The following ZSCAN5A variants were observed in gnomAD, a reference collection of about 807,000 sequenced individuals.
ZSCAN5A encodes the protein zinc finger and SCAN domain containing 5A.
In ZSCAN5A, 12 loss-of-function variants were observed where a neutral mutation model predicts 23.7. That is an observed-to-expected ratio of 0.51 (90% CI 0.32 to 0.82). The LOEUF is 0.82. Ranked by LOEUF, ZSCAN5A falls within the 40% of genes least tolerant of loss-of-function variation. The probability of loss-of-function intolerance (pLI) is 0.03; values close to 1 mark genes in which losing one functional copy is unlikely to be tolerated. For synonymous variants in ZSCAN5A, 257 were observed against 239.9 expected (o/e 1.07, Z -0.66); for missense variants, 597 against 617.9 (o/e 0.97, Z 0.36).
At chr19:56,228,419 C>T (rs2034171550) in intron 2 of ZSCAN5A, 2 of 985,400 alleles carry the variant, frequency 2.0e-6, no homozygotes, top group Non-Finnish European at 2.4e-6. Flanking sequence ...TTTACGTAAT[C>T]GGCGTTGATT....
chr19:56,264,994 C>A (rs111873257), intron 2 of ZSCAN5A, among the ~76,000 whole-genome samples: 1 of 151,814 alleles, frequency 6.6e-6, no homozygotes, highest in African/African-American at 2.4e-5. Flanking sequence ...TGGTGGCAGG[C>A]GCCTGTAATC....
intron 2 of ZSCAN5A, chr19:56,244,300 G>C: frequency 6.2e-7 from 1 of 1,609,954 alleles, no homozygotes; most frequent in Admixed American, 1.7e-5. Context: ...TCCTGGACAT[G>C]CTGGTGATGG....
chr19:56,323,302 C>T (rs1600281866), intron 2 of ZSCAN5A, among the ~76,000 whole-genome samples: 1 of 151,914 alleles, frequency 6.6e-6, no homozygotes, highest in Non-Finnish European at 1.5e-5. Context: ...CTCAAGTGAT[C>T]CTCCCACCTC....
chr19:56,312,452 A>G (rs1568741513), intron 2 of ZSCAN5A: 1 of 152,260 alleles, frequency 6.6e-6, no homozygotes, highest in Non-Finnish European at 1.5e-5. Context: ...CAAAACTGTC[A>G]AAATCATTAA....
chr19:56,222,288 T>C lies in ZSCAN5A; in HGVS notation c.778A>G (p.Lys260Glu), dbSNP rs1188440623. The change falls in exon 6 of 6, where the codon AAA becomes GAA. Residue 260 changes from lysine (K) to glutamate (E), a missense_variant. Lys to Glu is a moderately conservative substitution (Grantham distance 56). Around this residue, in one of 5 missense-constraint regions of ZSCAN5A, gnomAD observed 406 missense variants for 353.2 expected, o/e 1.15. Transcript: ENST00000683990. ...VRAKEGKDPP[K>E]IASVENVDAD... The stretch of plus-strand genomic sequence containing the variant: ...TCCACATTTTCCACAGAGGCTATTT[T>C]TGGGGGGTCCTTCCCCTCCTTTGCT... 1.2e-6 allele frequency: 2 copies of C among 1,613,052 alleles called. No homozygotes were observed. Among genetic ancestry groups the C allele is most frequent in the East Asian group, 2.2e-5 (1 of 44,896 alleles).
At chr19:56,298,678 CCT>C (rs2040038957) in intron 2 of ZSCAN5A, among the ~76,000 whole-genome samples, 1 of 151,746 alleles carries the variant, frequency 6.6e-6, no homozygotes, top group Non-Finnish European at 1.5e-5. Flanking sequence ...TCTGAATAAT[CCT>C]CTATCTATTA....
At chr19:56,344,909 CAAAAAAAAAAAAAAAAAAAA>C (rs1019131536) in intron 2 of ZSCAN5A, among the ~76,000 whole-genome samples, 2 of 19,048 alleles carry the variant, frequency 1.0e-4, no homozygotes, top group African/African-American at 3.5e-4. Flanking sequence ...GACTCCGTCT[CAAAAAAAAAAAAAAAAAAAA>C]AAAAAAGAAA....
chr19:56,268,243 A>G (rs1442717814), intron 2 of ZSCAN5A, among the ~76,000 whole-genome samples: 1 of 152,202 alleles, frequency 6.6e-6, no homozygotes, highest in Non-Finnish European at 1.5e-5. Flanking sequence ...AGGACACAGA[A>G]GCATTGGTGT....
intron 2 of ZSCAN5A, among the ~76,000 whole-genome samples, chr19:56,249,653 G>T (rs542773316): frequency 5.9e-5 from 9 of 152,314 alleles, no homozygotes; most frequent in Non-Finnish European, 1.3e-4. Flanking sequence ...CTGTTCACAT[G>T]GTTCTTTAAT....
chr19:56,238,498 G>A (rs551636774), intron 2 of ZSCAN5A, among the ~76,000 whole-genome samples: 1 of 152,262 alleles, frequency 6.6e-6, no homozygotes, highest in South Asian at 2.1e-4. Flanking sequence ...CAAGTGTGGT[G>A]GTGCTTGCCT....
In ZSCAN5A at chr19:56,222,324, C is replaced by A; in HGVS notation, c.742G>T (p.Asp248Tyr). The change falls in exon 6 of 6, where the codon GAT (aspartate) becomes TAT (tyrosine). Residue 248 changes from aspartate (D) to tyrosine (Y), a missense_variant and splice_region_variant. Coordinates refer to ENST00000683990, the MANE Select transcript of ZSCAN5A (RefSeq NM_001322064.3). Reference sequence around the variant, plus strand: ...TTCCCCTCCTTTGCTCTCACCAGATCTGCTGGAAGAAGGGATTCCACACAC... The same window carrying A: ...TTCCCCTCCTTTGCTCTCACCAGATATGCTGGAAGAAGGGATTCCACACAC... ...PEPQLPKSPTDLVRAKEGKDP... is the reference protein window; with the variant it reads ...PEPQLPKSPTYLVRAKEGKDP... 1 of 1,610,504 alleles carries A rather than the reference C, an allele frequency of 6.2e-7. No individual in the cohort carries two copies. Among genetic ancestry groups the A allele is most frequent in the Non-Finnish European group, 8.5e-7 (1 of 1,179,522 alleles).
At chr19:56,330,237 A>C (rs963578616) in intron 2 of ZSCAN5A, among the ~76,000 whole-genome samples, 1 of 152,194 alleles carries the variant, frequency 6.6e-6, no homozygotes, top group Non-Finnish European at 1.5e-5. Context: ...TCCACTAATA[A>C]TGGGCAGCTA....
At chr19:56,366,331 A>G (rs2041764650) in intron 1 of ZSCAN5A, among the ~76,000 whole-genome samples, 1 of 150,246 alleles carries the variant, frequency 6.7e-6, no homozygotes, top group Non-Finnish European at 1.5e-5. Context: ...AGTCCCAGCT[A>G]CTCGGGAAGC....
intron 2 of ZSCAN5A, among the ~76,000 whole-genome samples, chr19:56,358,688 G>A (rs2041713599): frequency 1.3e-5 from 2 of 152,098 alleles, no homozygotes; most frequent in Admixed American, 6.5e-5. Flanking sequence ...GTAAACCACT[G>A]CTCAGCAAAT....
At chr19:56,275,731 G>A (rs1028425310) in intron 2 of ZSCAN5A, among the ~76,000 whole-genome samples, 1 of 152,228 alleles carries the variant, frequency 6.6e-6, no homozygotes, top group East Asian at 1.9e-4. Flanking sequence ...AGAGTTTGGG[G>A]TGTCTAGTGT....
rs183209791 is a variant in ZSCAN5A at position 56,239,224 on chromosome 19, C to T, written c.-127-14051G>A. ...CCAGAATCAGTGTAATATTAATAAC[C>T]CTTCAATGTATGTTAAGTGTTAGAT... On this transcript the variant is annotated intron_variant, in intron 2 of 5. Transcript: ENST00000683990. Among the ~76,000 whole-genome samples the T allele has an allele frequency of 4.6e-5, 7 of 152,180 alleles. No homozygotes were observed. In the East Asian group the frequency reaches 9.6e-4, roughly 21 times the overall value.
intron 2 of ZSCAN5A, among the ~76,000 whole-genome samples, chr19:56,250,731 C>T (rs539158274): frequency 7.2e-5 from 11 of 152,318 alleles, no homozygotes; most frequent in South Asian, 2.1e-4. Context: ...TCCTACCCAA[C>T]GGCTTTCCAC....
In ZSCAN5A at chr19:56,222,310, T is replaced by C. The variant is rs1043111296; in HGVS notation, c.756A>G (p.Ala252=). 1 of 1,611,958 alleles carries C rather than the reference T, an allele frequency of 6.2e-7. No homozygotes were observed. The highest frequency in any genetic ancestry group is 2.2e-5 in the East Asian group (1 of 44,874). The stretch of plus-strand genomic sequence containing the variant: ...TTTTTGGGGGGTCCTTCCCCTCCTT[T>C]GCTCTCACCAGATCTGCTGGAAGAA... ...LPKSPTDLVR[A]KEGKDPPKIA... is the part of the protein sequence containing the mutation. The change falls in exon 6 of 6, where the codon GCA becomes GCG. Residue 252 remains alanine, a synonymous_variant. Coordinates refer to ENST00000683990, the MANE Select transcript of ZSCAN5A (RefSeq NM_001322064.3).
intron 2 of ZSCAN5A, among the ~76,000 whole-genome samples, chr19:56,282,094 G>A (rs552009393): frequency 8.2e-4 from 125 of 152,264 alleles, no homozygotes; most frequent in Non-Finnish European, 1.5e-3. Flanking sequence ...GTGGGTTTTA[G>A]ATGAGAAAAA....
Sources: gnomAD v4.1 joint callset for allele counts (sites outside exome capture counted in the v4.1 genomes callset) on GRCh38, gnomAD v4.1.1 for gene constraint, gnomAD v4.1.1 regional missense constraint, MANE v1.5 for transcripts, NCBI Gene and HGNC (gene_info 2026-07-23, HGNC 2026-07-21) for gene names.